The following PIK3C2G variants were observed in gnomAD, a reference collection of about 807,000 sequenced individuals.
PIK3C2G encodes the protein phosphatidylinositol 3-kinase C2 domain-containing subunit gamma.
Under a neutral mutation model 181.1 loss-of-function variants are expected in PIK3C2G, and 168 were observed. That is an observed-to-expected ratio of 0.93 (90% CI 0.82 to 1.05). PIK3C2G has a LOEUF of 1.05. Ranked by LOEUF, PIK3C2G falls within the 50% of genes least tolerant of loss-of-function variation. The pLI is 0.00. For synonymous variants in PIK3C2G, 573 were observed against 592.2 expected (o/e 0.97, Z 0.47); for missense variants, 1,869 against 1,732.8 (o/e 1.08, Z -1.40).
the PIK3C2G span, among the ~76,000 whole-genome samples, chr12:18,722,234 G>A: frequency 5.3e-5 from 8 of 151,736 alleles, no homozygotes; most frequent in African/African-American, 9.7e-5. Context: ...CTATGTTTCC[G>A]TATCACATAG....
At chr12:18,376,683 T>C (rs575254037) in intron 13 of PIK3C2G, among the ~76,000 whole-genome samples, 25 of 152,286 alleles carry the variant, frequency 1.6e-4, no homozygotes, top group African/African-American at 5.8e-4. Context: ...TTTCCAGTGT[T>C]GGAGGTAGGA....
chr12:18,587,897 A>T (rs965819808), intron 29 of PIK3C2G, among the ~76,000 whole-genome samples: 2 of 152,016 alleles, frequency 1.3e-5, no homozygotes, highest in Non-Finnish European at 2.9e-5. Context: ...ACTGATTAAA[A>T]AAAAAAAGAC....
rs1291620939 is a variant in PIK3C2G, at chr12:18,544,089, G to A, written c.3481-2234G>A. Among the ~76,000 whole-genome samples, 4 of 151,982 alleles carry A rather than the reference G, an allele frequency of 2.6e-5. No individual in the cohort carries two copies. In the East Asian group the frequency reaches 7.8e-4, roughly 30 times the overall value. ...AGTGATGCTTCAAGGAGGAAGCTGA[G>A]CCTTGAAAAAGAATTTCAGTGACAA... On this transcript the variant is annotated intron_variant, in intron 25 of 32. Coordinates refer to ENST00000538779, the MANE Select transcript of PIK3C2G (RefSeq NM_001288772.2).
chr12:18,535,509 T>G (rs1943802516), intron 24 of PIK3C2G, among the ~76,000 whole-genome samples: 1 of 152,092 alleles, frequency 6.6e-6, no homozygotes, highest in African/African-American at 2.4e-5. Flanking sequence ...AAATGTGTTA[T>G]CTCATGAACT....
chr12:18,580,876 G>A (rs1946463350), intron 29 of PIK3C2G, among the ~76,000 whole-genome samples: 1 of 152,188 alleles, frequency 6.6e-6, no homozygotes, highest in Non-Finnish European at 1.5e-5. Context: ...TTAGCTTATT[G>A]TTTTAACTCA....
At chr12:18,724,576 C>T in the PIK3C2G span, among the ~76,000 whole-genome samples, 5 of 151,942 alleles carry the variant, frequency 3.3e-5, no homozygotes, top group East Asian at 1.9e-4. Flanking sequence ...AAATCAGATG[C>T]GGGGTCTCCA....
At chr12:18,653,549 G>A in the PIK3C2G span, among the ~76,000 whole-genome samples, 151,558 of 152,226 alleles carry the variant, frequency 1, 75,448 homozygotes, top group East Asian at 1. Context: ...ATACCTGACT[G>A]TTACCTAAAC....
chr12:18,655,750 GAAAA>G, the PIK3C2G span, among the ~76,000 whole-genome samples: 2,390 of 145,018 alleles, frequency 0.016, 49 homozygotes, highest in African/African-American at 0.056. Flanking sequence ...ACCTTATCAT[GAAAA>G]AAAAAAAAAA....
the PIK3C2G span, chr12:18,723,230 T>A: frequency 8.0e-7 from 1 of 1,247,104 alleles, no homozygotes; most frequent in Non-Finnish European, 1.1e-6. Flanking sequence ...ATAAAAATAC[T>A]TTGCTTTGAA....
At chr12:18,704,015 T>C in the PIK3C2G span, among the ~76,000 whole-genome samples, 1 of 152,062 alleles carries the variant, frequency 6.6e-6, no homozygotes, top group South Asian at 2.1e-4. Flanking sequence ...CTGATAAAAT[T>C]TGGGATAGGG....
chr12:18,674,455 G>A, the PIK3C2G span, among the ~76,000 whole-genome samples: 5 of 152,152 alleles, frequency 3.3e-5, no homozygotes, highest in African/African-American at 7.2e-5. Flanking sequence ...TGCCTGGCAC[G>A]TGATATTTTC....
intron 1 of PIK3C2G, among the ~76,000 whole-genome samples, chr12:18,277,095 C>T (rs1350350394): frequency 2.0e-5 from 3 of 151,980 alleles, no homozygotes; most frequent in South Asian, 2.1e-4. Flanking sequence ...CCTTATCACT[C>T]GATTCCAAAT....
At chr12:18,705,125 G>A in the PIK3C2G span, 46 of 1,606,262 alleles carry the variant, frequency 2.9e-5, no homozygotes, top group African/African-American at 5.2e-4. Flanking sequence ...TGTTTTCATG[G>A]ACTTTTTTCT....
At chr12:18,507,059 T>C (rs1310906794) in intron 24 of PIK3C2G, among the ~76,000 whole-genome samples, 2 of 151,954 alleles carry the variant, frequency 1.3e-5, no homozygotes, top group African/African-American at 4.8e-5. Context: ...AGATGGAGTC[T>C]CATTCTGTCG....
At chr12:18,286,195 T>C (rs1949436879) in intron 2 of PIK3C2G, among the ~76,000 whole-genome samples, 1 of 152,078 alleles carries the variant, frequency 6.6e-6, no homozygotes, top group Non-Finnish European at 1.5e-5. Context: ...TCTTTAATCC[T>C]ACATGCACTC....
chr12:18,323,747 C>T (rs1046614292), intron 7 of PIK3C2G, among the ~76,000 whole-genome samples: 1 of 152,172 alleles, frequency 6.6e-6, no homozygotes, highest in Non-Finnish European at 1.5e-5. Flanking sequence ...CACTGGATGG[C>T]AAGGGCTTTG....
the PIK3C2G span, among the ~76,000 whole-genome samples, chr12:18,665,677 C>G: frequency 6.6e-6 from 1 of 152,124 alleles, no homozygotes; most frequent in Non-Finnish European, 1.5e-5. Context: ...TGGCTCATGC[C>G]TATAATCCCA....
At chr12:18,634,079 C>T (rs1205466504) in intron 31 of PIK3C2G, among the ~76,000 whole-genome samples, 1 of 152,142 alleles carries the variant, frequency 6.6e-6, no homozygotes, top group Non-Finnish European at 1.5e-5. Context: ...GGCAAGGTAT[C>T]ACCACCTAAC....
intron 4 of PIK3C2G, among the ~76,000 whole-genome samples, chr12:18,292,227 AATATATATATATATAT>A (rs1555149102): frequency 6.2e-5 from 3 of 48,750 alleles, no homozygotes; most frequent in African/African-American, 1.1e-4. Flanking sequence ...AAAAAAAAAA[AATATATATATATATAT>A]ATATATATAT....
Sources: gnomAD v4.1 joint callset for allele counts (sites outside exome capture counted in the v4.1 genomes callset) on GRCh38, gnomAD v4.1.1 for gene constraint, MANE v1.5 for transcripts, NCBI Gene and HGNC (gene_info 2026-07-23, HGNC 2026-07-21) for gene names.